The following GSN variants were observed in gnomAD, a reference collection of about 807,000 sequenced individuals.
GSN encodes actin-depolymerizing factor.
GSN carries 56 observed loss-of-function variants against 85.7 expected under a neutral mutation model. That is an observed-to-expected ratio of 0.65 (90% CI 0.53 to 0.82). The LOEUF (loss-of-function observed/expected upper bound fraction) is 0.82. GSN is among the 40% of genes least tolerant of loss of function. GSN has a pLI of 0.00. For synonymous variants in GSN, 373 were observed against 399.1 expected (o/e 0.93, Z 0.78); for missense variants, 857 against 979.8 (o/e 0.87, Z 1.67).
Position 121,329,524 on chromosome 9 carries a change from T to C in GSN, c.1965+209T>C, listed in dbSNP as rs1268616055. 6.6e-6 allele frequency among the ~76,000 whole-genome samples: 1 copy of C among 152,212 alleles called. No homozygotes were observed. Among genetic ancestry groups the C allele is most frequent in the African/African-American group, 2.4e-5 (1 of 41,448 alleles). On this transcript the variant is annotated intron_variant, in intron 16 of 17. Coordinates refer to ENST00000432226, the MANE Select transcript of GSN (RefSeq NM_198252.3). This position sits in a 1 kb window ranked among gnomAD's most constrained non-coding sequence, Gnocchi z 4.6. ...GGAGTGGCGGTACCTCCCTTGCAGA[T>C]ACACTCACCTTGAAAGCTGCAAAAC...
At chr9:121,296,215 C>T (rs542242460) in intron 2 of GSN, among the ~76,000 whole-genome samples, 8 of 152,326 alleles carry the variant, frequency 5.3e-5, no homozygotes, top group Admixed American at 1.3e-4. Flanking sequence ...GCTTGGTCTC[C>T]GCAGACAGAG....
intron 5 of GSN, chr9:121,238,039 C>T (rs1266150401): frequency 6.6e-6 from 1 of 152,206 alleles, no homozygotes; most frequent in Non-Finnish European, 1.5e-5. Context: ...AAAGATGAGG[C>T]TAGGGGAGTG....
At chr9:121,233,426 C>T (rs1196276854) in intron 5 of GSN, among the ~76,000 whole-genome samples, 2 of 152,150 alleles carry the variant, frequency 1.3e-5, no homozygotes, top group Admixed American at 1.3e-4. Context: ...GATCACGCCA[C>T]TGCACTCTAG....
intron 7 of GSN, 99 bp from the exon 8 acceptor site, chr9:121,316,987 G>C: frequency 6.7e-7 from 1 of 1,488,612 alleles, no homozygotes. Context: ...TTACTCTACA[G>C]GGCCATTTGG....
upstream of GSN, among the ~76,000 whole-genome samples, chr9:121,203,704 A>G (rs920149329): frequency 7.9e-5 from 12 of 152,218 alleles, no homozygotes; most frequent in African/African-American, 2.9e-4. Context: ...ATCTAATGGT[A>G]TGCAGTTGTG....
intron 2 of GSN, chr9:121,282,290 G>A (rs748968930): frequency 4.0e-5 from 24 of 600,764 alleles, no homozygotes; most frequent in Non-Finnish European, 6.0e-5. Flanking sequence ...ATGCCAAAGG[G>A]CTTTGTGACC....
In GSN at chr9:121,329,191, C is replaced by G; in HGVS notation, c.1888-47C>G. 2 of 1,507,900 alleles carry G rather than the reference C, an allele frequency of 1.3e-6. No homozygotes were observed. The highest frequency in any genetic ancestry group is 1.8e-6 in the Non-Finnish European group (2 of 1,083,768). The allele number at this position is 1,507,900 out of a possible 1,614,324, so 93.4% of individuals were successfully genotyped here. The stretch of plus-strand genomic sequence containing the variant: ...CAGGGGGCAGATAAAGGAAGGCCAC[C>G]CAGGGGAGGGAAGACATCTCACTGA... On this transcript the variant is annotated intron_variant, in intron 15 of 17. Coordinates refer to ENST00000432226, the MANE Select transcript of GSN (RefSeq NM_198252.3). The surrounding 1 kb of genome is among the most constrained non-coding windows in gnomAD (Gnocchi z 4.6).
At chr9:121,270,425 A>G (rs2055768380) in intron 1 of GSN, among the ~76,000 whole-genome samples, 1 of 152,174 alleles carries the variant, frequency 6.6e-6, no homozygotes, top group African/African-American at 2.4e-5. Context: ...ATTCAAGTGA[A>G]GTAGATTGCA....
In GSN at chr9:121,324,558, G is replaced by A. The variant is rs2133834047; in HGVS notation, c.1330G>A (p.Gly444Ser). The A allele has an allele frequency of 6.6e-7, 1 of 1,516,874 alleles. No homozygotes were observed. Among genetic ancestry groups the A allele is most frequent in the East Asian group, 2.4e-5 (1 of 40,824 alleles). 94.0% of individuals were successfully genotyped at this position (1,516,874 alleles called of 1,614,324 possible). ...GAATCTCACTTCCCCTTCCAGGCAG[G>A]GTGCCCAGTCTACCCAGGATGAGGT... ...RQGQIIYNWQGAQSTQDEVAA... is the reference protein window; with the variant it reads ...RQGQIIYNWQSAQSTQDEVAA... Residue 444 changes from glycine (G) to serine (S), a missense_variant, in exon 12 of 18, where the codon GGT (glycine) becomes AGT (serine). By Grantham distance (56) the Gly-to-Ser change is moderately conservative. Transcript: ENST00000432226.
At chr9:121,292,780 C>T (rs181430079) in intron 2 of GSN, among the ~76,000 whole-genome samples, 36 of 152,322 alleles carry the variant, frequency 2.4e-4, no homozygotes, top group African/African-American at 8.4e-4. Flanking sequence ...CCCACAGAGA[C>T]TCCGCAGGCA....
At chr9:121,279,064 T>C (rs1030294685) in intron 1 of GSN, among the ~76,000 whole-genome samples, 13 of 152,152 alleles carry the variant, frequency 8.5e-5, no homozygotes, top group African/African-American at 1.2e-4. Context: ...ATGGGAGCAA[T>C]TGGGGAGGCT....
chr9:121,204,788 C>A (rs575870162), upstream of GSN, among the ~76,000 whole-genome samples: 308 of 152,126 alleles, frequency 2.0e-3, no homozygotes, highest in African/African-American at 7.2e-3. Flanking sequence ...TACTATGCAG[C>A]CATCAAAAAG....
intron 5 of GSN, among the ~76,000 whole-genome samples, chr9:121,235,687 C>T (rs2054478480): frequency 6.6e-6 from 1 of 152,162 alleles, no homozygotes; most frequent in Admixed American, 6.5e-5. Flanking sequence ...GGAAAGAAGA[C>T]AGTGGAGAAA....
chr9:121,211,809 C>G (rs1026061262), intron 4 of GSN, among the ~76,000 whole-genome samples: 2 of 152,096 alleles, frequency 1.3e-5, no homozygotes, highest in African/African-American at 4.8e-5. Context: ...CAATAACCAC[C>G]TCCCCACCAA....
chr9:121,281,823 C>T (rs1386020309), intron 2 of GSN: 3 of 471,130 alleles, frequency 6.4e-6, no homozygotes, highest in African/African-American at 2.0e-5. Context: ...CCCACCCTGG[C>T]TGTGCTGGTT....
At chr9:121,313,680 T>C (rs970450712) in intron 6 of GSN, 9 of 562,246 alleles carry the variant, frequency 1.6e-5, no homozygotes, top group Non-Finnish European at 2.9e-5. Context: ...GCGAAATATC[T>C]GAAGCGCTGT....
chr9:121,244,611 A>G (rs1778133278), intron 5 of GSN, among the ~76,000 whole-genome samples: 2 of 152,230 alleles, frequency 1.3e-5, no homozygotes, highest in African/African-American at 4.8e-5. Context: ...GCAAAAATAT[A>G]AAAAGGTGCA....
intron 1 of GSN, among the ~76,000 whole-genome samples, chr9:121,271,402 C>T (rs1162276787): frequency 4.6e-5 from 7 of 152,182 alleles, no homozygotes; most frequent in Admixed American, 6.5e-5. Flanking sequence ...ATACCAAGCA[C>T]TGGAACATTA....
At chr9:121,215,332 TATC>T (rs1470880627) in intron 4 of GSN, among the ~76,000 whole-genome samples, 1 of 151,584 alleles carries the variant, frequency 6.6e-6, no homozygotes, top group Non-Finnish European at 1.5e-5. Flanking sequence ...AATTTCAACA[TATC>T]ATTTTTTTTT....
Sources: gnomAD v4.1 joint callset for allele counts (sites outside exome capture counted in the v4.1 genomes callset) on GRCh38, gnomAD v4.1.1 for gene constraint, Gnocchi (gnomAD v3.1) non-coding constraint, MANE v1.5 for transcripts, NCBI Gene and HGNC (gene_info 2026-07-23, HGNC 2026-07-21) for gene names.